The following RELN variants were observed in gnomAD, a reference collection of about 807,000 sequenced individuals.
RELN encodes the protein reelin.
In RELN, 108 loss-of-function variants were observed where a neutral mutation model predicts 427.6. The observed-to-expected ratio is 0.25, with a 90% CI of 0.22 to 0.30. RELN has a LOEUF of 0.30. Among genes scored for constraint, RELN ranks in the 10% least tolerant of loss-of-function variants. The pLI, the probability that RELN is intolerant of heterozygous loss-of-function variation, is 1.00. For missense variants in RELN, 3,715 were observed against 4,302.8 expected, an observed-to-expected ratio of 0.86 and a Z score of 3.82; for synonymous variants, 1,524 against 1,513.4, an observed-to-expected ratio of 1.01 and a Z score of -0.16.
At position 103,989,359 on chromosome 7, in the gene RELN, C is replaced by CGCCGCG; in HGVS notation, c.-4_-3insCGCGGC. ...CGGGCCCAGCCACTGCGCTCCATGC[C>CGCCGCG]GCCGCCGCCGCCGCCGCCGCCGCGC... On this transcript the variant is annotated 5_prime_UTR_variant, in exon 1 of 65. Transcript: ENST00000428762. This position sits in a 1 kb window ranked among gnomAD's most constrained non-coding sequence, Gnocchi z 4.9. The CGCCGCG allele has an allele frequency of 7.9e-7, 1 of 1,260,638 alleles. No homozygotes were observed. Among genetic ancestry groups the CGCCGCG allele is most frequent in the Non-Finnish European group, 1.0e-6 (1 of 967,736 alleles). The allele number at this position is 1,260,638 out of a possible 1,614,324, so 78.1% of individuals were successfully genotyped here.
chr7:103,989,079 C>A lies in RELN; in HGVS notation c.226+52G>T. 6.7e-7 allele frequency: 1 copy of A among 1,499,488 alleles called. No individual in the cohort carries two copies. Among genetic ancestry groups the A allele is most frequent in the Non-Finnish European group, 9.3e-7 (1 of 1,079,670 alleles). The allele number at this position is 1,499,488 out of a possible 1,614,324, so 92.9% of individuals were successfully genotyped here. A position where few individuals can be genotyped will look rare whatever the true frequency, so the allele number is the denominator to read the frequency against. On this transcript the variant is annotated intron_variant, in intron 1 of 64. Transcript: ENST00000428762. This position sits in a 1 kb window ranked among gnomAD's most constrained non-coding sequence, Gnocchi z 4.9. Reference sequence around the variant, plus strand: ...AAGAAGGAAAGGGATGAGAAAGGTGCGCTGGCGGGCGCACCCGGCGGCGGC... The same window carrying A: ...AAGAAGGAAAGGGATGAGAAAGGTGAGCTGGCGGGCGCACCCGGCGGCGGC...
intron 6 of RELN, among the ~76,000 whole-genome samples, chr7:103,740,595 A>G (rs1037555378): frequency 2.6e-5 from 4 of 152,214 alleles, no homozygotes; most frequent in African/African-American, 4.8e-5. Flanking sequence ...TTTATTTATA[A>G]TATCATTTTA....
intron 8 of RELN, among the ~76,000 whole-genome samples, chr7:103,702,233 A>G (rs1834108923): frequency 6.6e-6 from 1 of 152,246 alleles, no homozygotes; most frequent in African/African-American, 2.4e-5. Flanking sequence ...GCGACTGGAA[A>G]TGGTGACAGG....
intron 28 of RELN, among the ~76,000 whole-genome samples, chr7:103,585,752 A>G (rs1831255112): frequency 6.6e-6 from 1 of 152,208 alleles, no homozygotes; most frequent in Non-Finnish European, 1.5e-5. Flanking sequence ...GCAAGGGCAC[A>G]ACCAAAAAAG....
intron 2 of RELN, among the ~76,000 whole-genome samples, chr7:103,900,434 T>C (rs1159636609): frequency 6.6e-6 from 1 of 152,058 alleles, no homozygotes; most frequent in Non-Finnish European, 1.5e-5. Context: ...TTGACAGAAT[T>C]GGAAATAAAC....
At chr7:103,799,965 C>T (rs1481366965) in intron 3 of RELN, among the ~76,000 whole-genome samples, 2 of 152,010 alleles carry the variant, frequency 1.3e-5, no homozygotes, top group East Asian at 1.9e-4. Context: ...GAAAAAATTC[C>T]AAGGTACTGA....
intron 3 of RELN, among the ~76,000 whole-genome samples, chr7:103,823,252 G>A (rs1426187578): frequency 6.6e-6 from 1 of 151,100 alleles, no homozygotes; most frequent in Non-Finnish European, 1.5e-5. Context: ...CTTAGAAACA[G>A]CATACTGCTG....
At chr7:103,843,367 G>C (rs1018490692) in intron 2 of RELN, among the ~76,000 whole-genome samples, 1 of 152,102 alleles carries the variant, frequency 6.6e-6, no homozygotes, top group Non-Finnish European at 1.5e-5. Flanking sequence ...ACTACGCCCA[G>C]TAAGACTCAG....
At position 103,481,011 on chromosome 7, in the gene RELN, C is replaced by T. The variant is rs10259012; in HGVS notation, c.10280+1862G>A. 9.3e-3 allele frequency among the ~76,000 whole-genome samples: 1,421 copies of T among 152,266 alleles called. 21 individuals are homozygous for T. The highest frequency in any genetic ancestry group is 0.032 in the African/African-American group (1,350 of 41,550). On this transcript the variant is annotated intron_variant, in intron 63 of 64. Transcript: ENST00000428762. ...TTCCAACACCAGGTGACCTGGGAGA[C>T]TCTCTTGGGTGCTGTGTGCTGAGGC...
At chr7:103,707,587 T>C (rs1834232838) in intron 8 of RELN, among the ~76,000 whole-genome samples, 5 of 151,834 alleles carry the variant, frequency 3.3e-5, no homozygotes, top group Admixed American at 3.3e-4. Flanking sequence ...CAATCTTTGC[T>C]TCATGGGTTC....
chr7:103,940,903 T>C (rs1584386877), intron 1 of RELN, among the ~76,000 whole-genome samples: 2 of 152,326 alleles, frequency 1.3e-5, no homozygotes, highest in South Asian at 4.1e-4. Context: ...TTTGCCTGCT[T>C]TCTAACATTT....
intron 4 of RELN, among the ~76,000 whole-genome samples, chr7:103,754,341 G>C (rs1791078976): frequency 6.6e-6 from 1 of 151,800 alleles, no homozygotes; most frequent in South Asian, 2.1e-4. Context: ...ATTGCACACG[G>C]GGCTTACATT....
chr7:103,747,802 C>CT (rs869168393), intron 6 of RELN, among the ~76,000 whole-genome samples: 4 of 151,950 alleles, frequency 2.6e-5, no homozygotes, highest in African/African-American at 7.2e-5. Context: ...TAGGAAAAAA[C>CT]TTTTTTAAAA....
In RELN at chr7:103,540,519, G is replaced by C. The variant is rs558999419; in HGVS notation, c.6672-64C>G. The stretch of plus-strand genomic sequence containing the variant: ...AAAGAAATCCACATGCTTAACAACA[G>C]ACAAGCACATGGGGTAATGCAGGGG... On this transcript the variant is annotated intron_variant, in intron 43 of 64. Transcript: ENST00000428762. The C allele has an allele frequency of 1.1e-3, 1,747 of 1,529,050 alleles. 6 individuals are homozygous for C. Among genetic ancestry groups the C allele is most frequent in the Middle Eastern group, 2.9e-3 (17 of 5,912 alleles). The allele number at this position is 1,529,050 out of a possible 1,614,324, so 94.7% of individuals were successfully genotyped here. A position where few individuals can be genotyped will look rare whatever the true frequency, so the allele number is the denominator to read the frequency against.
At chr7:103,734,269 T>C (rs1790436248) in intron 6 of RELN, among the ~76,000 whole-genome samples, 1 of 152,178 alleles carries the variant, frequency 6.6e-6, no homozygotes. Flanking sequence ...CAGACTTCTG[T>C]TGTTCAATTT....
intron 4 of RELN, among the ~76,000 whole-genome samples, chr7:103,760,067 T>A (rs76785564): frequency 0.01 from 1,516 of 146,710 alleles, 11 homozygotes; most frequent in Admixed American, 0.015. Context: ...TCAATTAATA[T>A]TCACTGAATG....
intron 38 of RELN, among the ~76,000 whole-genome samples, chr7:103,555,028 T>A (rs1830493361): frequency 6.6e-6 from 1 of 152,206 alleles, no homozygotes; most frequent in South Asian, 2.1e-4. Context: ...TTTCTTAATG[T>A]TTTTCATATC....
At chr7:103,785,678 G>C (rs1791996983) in intron 3 of RELN, among the ~76,000 whole-genome samples, 1 of 152,066 alleles carries the variant, frequency 6.6e-6, no homozygotes, top group South Asian at 2.1e-4. Flanking sequence ...AATGATTTAT[G>C]TTGATCTTAT....
At chr7:103,805,876 GCCTTT>G (rs1792585976) in intron 3 of RELN, among the ~76,000 whole-genome samples, 1 of 152,130 alleles carries the variant, frequency 6.6e-6, no homozygotes, top group South Asian at 2.1e-4. Flanking sequence ...CATCCCAAGA[GCCTTT>G]CTTAACAGCT....
Sources: gnomAD v4.1 joint callset for allele counts (sites outside exome capture counted in the v4.1 genomes callset) on GRCh38, gnomAD v4.1.1 for gene constraint, Gnocchi (gnomAD v3.1) non-coding constraint, MANE v1.5 for transcripts, NCBI Gene and HGNC (gene_info 2026-07-23, HGNC 2026-07-21) for gene names.